MAGI2: variants seen among roughly 807,000 people sequenced by gnomAD.
The protein encoded by MAGI2 is membrane associated guanylate kinase, WW and PDZ domain containing 2.
In MAGI2, 35 loss-of-function variants were observed where a neutral mutation model predicts 133.3. The ratio of observed to expected loss-of-function variants is 0.26; its 90% confidence interval spans 0.20 to 0.35. The LOEUF is 0.35. Among genes scored for constraint, MAGI2 ranks in the 10% least tolerant of loss-of-function variants. MAGI2 has a pLI of 1.00. For synonymous variants in MAGI2, 729 were observed against 710.6 expected (o/e 1.03, Z -0.41); for missense variants, 1,636 against 1,863.4 (o/e 0.88, Z 2.25).
intron 2 of MAGI2, among the ~76,000 whole-genome samples, chr7:78,813,710 C>A (rs1352857375): frequency 6.9e-6 from 1 of 144,132 alleles, no homozygotes; most frequent in Non-Finnish European, 1.5e-5. Context: ...GGCGTGAACC[C>A]GGGAGGCAGA....
chr7:79,077,181 T>C (rs1430108534), intron 1 of MAGI2, among the ~76,000 whole-genome samples: 1 of 152,186 alleles, frequency 6.6e-6, no homozygotes, highest in Non-Finnish European at 1.5e-5. Flanking sequence ...CTAATTTTTG[T>C]ACTGTGGTTC....
chr7:78,331,245 C>A (rs1789160912), intron 9 of MAGI2, among the ~76,000 whole-genome samples: 1 of 152,172 alleles, frequency 6.6e-6, no homozygotes. Context: ...TGAGAAACTA[C>A]CTATTGGGTA....
chr7:78,766,790 A>G (rs1825069680), intron 2 of MAGI2, among the ~76,000 whole-genome samples: 2 of 152,176 alleles, frequency 1.3e-5, no homozygotes, highest in Non-Finnish European at 2.9e-5. Flanking sequence ...AGAAAACAGA[A>G]TAATGCACTT....
chr7:78,697,177 C>G (rs1378415108), intron 2 of MAGI2, among the ~76,000 whole-genome samples: 2 of 151,738 alleles, frequency 1.3e-5, no homozygotes, highest in African/African-American at 4.8e-5. Flanking sequence ...CATGTTTTTT[C>G]TTTTCATTTA....
chr7:79,381,737 G>T (rs1394350311), intron 1 of MAGI2, among the ~76,000 whole-genome samples: 1 of 151,598 alleles, frequency 6.6e-6, no homozygotes, highest in African/African-American at 2.4e-5. Context: ...AGATAATAAG[G>T]GGAAGATTTT....
rs561973287 is a variant in MAGI2, at chr7:79,338,127, T to A, written c.301+114893A>T. On this transcript the variant is annotated intron_variant, in intron 1 of 21. Coordinates refer to ENST00000354212, the MANE Select transcript of MAGI2 (RefSeq NM_012301.4). ...TTTTGGATTTGTAACGATTAATTAT[T>A]CCCCTTGGCAACCTATTGCAGCAGC... Among the ~76,000 whole-genome samples the A allele has an allele frequency of 5.3e-5, 8 of 152,320 alleles. 1 individual carries two copies. In the South Asian group the frequency reaches 1.7e-3, roughly 32 times the overall value.
At chr7:78,797,408 T>A (rs1490505479) in intron 2 of MAGI2, among the ~76,000 whole-genome samples, 1 of 152,118 alleles carries the variant, frequency 6.6e-6, no homozygotes, top group African/African-American at 2.4e-5. Flanking sequence ...ATTCCATAAG[T>A]AGATCAATAG....
intron 2 of MAGI2, among the ~76,000 whole-genome samples, chr7:78,918,993 T>G (rs918875635): frequency 6.6e-6 from 1 of 152,154 alleles, no homozygotes; most frequent in Non-Finnish European, 1.5e-5. Flanking sequence ...TAAAAATGTA[T>G]ATTAGATTCT....
intron 2 of MAGI2, among the ~76,000 whole-genome samples, chr7:78,783,295 A>G (rs1563500470): frequency 6.6e-6 from 1 of 152,066 alleles, no homozygotes; most frequent in African/African-American, 2.4e-5. Context: ...TTTTACTAAC[A>G]AAACAAACAA....
At chr7:78,989,698 G>A (rs1805576447) in intron 2 of MAGI2, among the ~76,000 whole-genome samples, 3 of 151,808 alleles carry the variant, frequency 2.0e-5, no homozygotes. Flanking sequence ...CTTTCTTTCT[G>A]CCTTTAAATA....
intron 20 of MAGI2, among the ~76,000 whole-genome samples, chr7:78,125,021 G>A (rs1001725847): frequency 9.9e-5 from 15 of 151,934 alleles, no homozygotes; most frequent in African/African-American, 1.5e-4. Context: ...CCGCCACCAC[G>A]CCTGGCTAAT....
At chr7:78,239,435 T>G (rs534327134) in intron 10 of MAGI2, among the ~76,000 whole-genome samples, 1 of 152,302 alleles carries the variant, frequency 6.6e-6, no homozygotes, top group African/African-American at 2.4e-5. Flanking sequence ...AACAAACTTC[T>G]GTGCAGAAGA....
intron 1 of MAGI2, among the ~76,000 whole-genome samples, chr7:79,287,127 G>T (rs1836071581): frequency 6.6e-6 from 1 of 152,010 alleles, no homozygotes; most frequent in Non-Finnish European, 1.5e-5. Flanking sequence ...TGAACTAGCA[G>T]CATCAGCATC....
intron 7 of MAGI2, among the ~76,000 whole-genome samples, chr7:78,349,240 T>C (rs776239709): frequency 6.6e-6 from 1 of 152,218 alleles, no homozygotes; most frequent in African/African-American, 2.4e-5. Flanking sequence ...GAATGGAAAA[T>C]AGCTTTTCTT....
At chr7:78,217,314 T>G (rs1194071625) in intron 10 of MAGI2, among the ~76,000 whole-genome samples, 1 of 152,186 alleles carries the variant, frequency 6.6e-6, no homozygotes, top group East Asian at 1.9e-4. Context: ...CTCTCCCCTA[T>G]GGGTTTAATT....
chr7:78,166,205 G>T (rs913880735), intron 15 of MAGI2, among the ~76,000 whole-genome samples: 22 of 152,198 alleles, frequency 1.4e-4, no homozygotes, highest in Non-Finnish European at 2.1e-4. Flanking sequence ...TTGATTAAAA[G>T]AAAATTTAAT....
At chr7:78,610,092 T>C (rs1293855751) in intron 3 of MAGI2, among the ~76,000 whole-genome samples, 1 of 152,202 alleles carries the variant, frequency 6.6e-6, no homozygotes, top group Non-Finnish European at 1.5e-5. Flanking sequence ...CCTTGATTCC[T>C]GGATCTGTGA....
At chr7:79,011,763 C>A (rs1808121696) in intron 1 of MAGI2, among the ~76,000 whole-genome samples, 1 of 152,102 alleles carries the variant, frequency 6.6e-6, no homozygotes, top group Admixed American at 6.6e-5. Flanking sequence ...GTTTTTCAAT[C>A]ACACTCAACA....
intron 1 of MAGI2, among the ~76,000 whole-genome samples, chr7:79,186,041 ATG>A: frequency 6.6e-6 from 1 of 151,570 alleles, no homozygotes; most frequent in Admixed American, 6.6e-5. Context: ...AGTGAATTTT[ATG>A]TCTTACAGAG....
Sources: gnomAD v4.1 joint callset for allele counts (sites outside exome capture counted in the v4.1 genomes callset) on GRCh38, gnomAD v4.1.1 for gene constraint, MANE v1.5 for transcripts, NCBI Gene and HGNC (gene_info 2026-07-23, HGNC 2026-07-21) for gene names.